CDC14A: variants seen among roughly 807,000 people sequenced by gnomAD.
The protein encoded by CDC14A is dual specificity protein phosphatase CDC14A.
A neutral mutation model predicts 74.4 loss-of-function variants in CDC14A; 53 were observed. That is an observed-to-expected ratio of 0.71 (90% confidence interval 0.57 to 0.89). The LOEUF (loss-of-function observed/expected upper bound fraction) is 0.89, where lower values mean the gene tolerates loss of function less well. Among genes scored for constraint, CDC14A ranks in the 40% least tolerant of loss-of-function variants. CDC14A has a pLI of 0.00. For missense variants in CDC14A, 646 were observed against 713.7 expected (o/e 0.91, Z 1.08); for synonymous variants, 247 against 258.4 (o/e 0.96, Z 0.43).
intron 8 of CDC14A, among the ~76,000 whole-genome samples, chr1:100,457,206 A>G (rs956681881): frequency 6.6e-6 from 1 of 152,226 alleles, no homozygotes; most frequent in Non-Finnish European, 1.5e-5. Flanking sequence ...ATATAATTGT[A>G]AAAGCCATTT....
chr1:100,393,703 C>A (rs1402801093), intron 4 of CDC14A: 3 of 407,202 alleles, frequency 7.4e-6, no homozygotes, highest in Non-Finnish European at 1.4e-5. Flanking sequence ...CGACTGTAAT[C>A]CCAGCACTTT....
At chr1:100,465,977 CTTAGTGAAAT>C (rs1667762861) in intron 9 of CDC14A, among the ~76,000 whole-genome samples, 1 of 152,162 alleles carries the variant, frequency 6.6e-6, no homozygotes, top group African/African-American at 2.4e-5. Flanking sequence ...TTTATAGAAA[CTTAGTGAAAT>C]GTTCCTATTC....
At chr1:100,354,344 CAG>C (rs1437104746) in intron 2 of CDC14A, among the ~76,000 whole-genome samples, 2 of 152,230 alleles carry the variant, frequency 1.3e-5, no homozygotes, top group African/African-American at 4.8e-5. Context: ...GGAGCTGTAT[CAG>C]AGTCACATTT....
intron 11 of CDC14A, among the ~76,000 whole-genome samples, chr1:100,491,548 C>CTCTCTCTCTCTCTATATA (rs1223420176): frequency 2.6e-5 from 1 of 38,760 alleles, no homozygotes; most frequent in Non-Finnish European, 5.0e-5. Context: ...CTCTCTCTCT[C>CTCTCTCTCTCTCTATATA]TATATATATA....
chr1:100,455,321 A>G, intron 7 of CDC14A, 84 bp from the exon 8 acceptor site: 1 of 851,426 alleles, frequency 1.2e-6, no homozygotes, highest in Non-Finnish European at 1.9e-6. Context: ...TAAGAGTGAA[A>G]AGCAGTTTTA....
chr1:100,474,697 T>C (rs1292058199), intron 10 of CDC14A, among the ~76,000 whole-genome samples: 1 of 151,982 alleles, frequency 6.6e-6, no homozygotes, highest in Non-Finnish European at 1.5e-5. Flanking sequence ...TTTGTGTATT[T>C]TTTTTTCCCT....
intron 2 of CDC14A, among the ~76,000 whole-genome samples, chr1:100,373,611 T>C (rs116776070): frequency 0.01 from 1,556 of 152,304 alleles, 32 homozygotes; most frequent in Middle Eastern, 0.024. Context: ...GATATGCCTA[T>C]ACTCTTCATT....
intron 1 of CDC14A, 71 bp downstream of exon 1, chr1:100,353,074 C>G: frequency 1.3e-6 from 2 of 1,515,034 alleles, no homozygotes; most frequent in Non-Finnish European, 1.8e-6. Context: ...CGCCACTGTC[C>G]CCACCTTCTC....
chr1:100,370,969 T>A (rs540889826), intron 2 of CDC14A, among the ~76,000 whole-genome samples: 95 of 152,356 alleles, frequency 6.2e-4, no homozygotes, highest in Admixed American at 1.2e-3. Context: ...TTGTGTTGTC[T>A]GTAATTTCTT....
chr1:100,349,233 C>A (rs1361887879), upstream of CDC14A, among the ~76,000 whole-genome samples: 13 of 152,106 alleles, frequency 8.5e-5, no homozygotes, highest in Admixed American at 8.5e-4. Flanking sequence ...AAACTCGACA[C>A]TTTTTACACT....
intron 3 of CDC14A, among the ~76,000 whole-genome samples, chr1:100,388,758 C>T (rs1657225470): frequency 6.6e-6 from 1 of 152,170 alleles, no homozygotes; most frequent in Admixed American, 6.5e-5. Flanking sequence ...ACTATGTTGC[C>T]TGGGCTAGTC....
chr1:100,450,009 G>GTT (rs796149452), intron 7 of CDC14A, among the ~76,000 whole-genome samples: 116 of 145,622 alleles, frequency 8.0e-4, no homozygotes, highest in African/African-American at 2.8e-3. Context: ...CAAGAGTGAG[G>GTT]TTTTTTTTTT....
chr1:100,351,373 G>A (rs1312226256), upstream of CDC14A, among the ~76,000 whole-genome samples: 3 of 152,208 alleles, frequency 2.0e-5, no homozygotes, highest in Admixed American at 6.5e-5. Flanking sequence ...AGACCTCTCA[G>A]AGCGCATGCT....
intron 2 of CDC14A, among the ~76,000 whole-genome samples, chr1:100,367,971 T>C (rs1653893833): frequency 6.6e-6 from 1 of 152,186 alleles, no homozygotes; most frequent in Admixed American, 6.5e-5. Flanking sequence ...ATTTTTCCAT[T>C]CTCTTATGTT....
chr1:100,448,344 A>G (rs1427825036), intron 7 of CDC14A, among the ~76,000 whole-genome samples: 1 of 152,252 alleles, frequency 6.6e-6, no homozygotes, highest in African/African-American at 2.4e-5. Context: ...AATATTTTCC[A>G]GAATATCAAG....
chr1:100,412,728 T>TATATATATATATAAAAAA (rs1557732405), intron 4 of CDC14A, among the ~76,000 whole-genome samples: 1 of 98,238 alleles, frequency 1.0e-5, no homozygotes, highest in Non-Finnish European at 2.0e-5. Flanking sequence ...ATATATTTTA[T>TATATATATATATAAAAAA]ATATATATAT....
In CDC14A at chr1:100,352,648, C is replaced by A; in HGVS notation, c.-307C>A. On this transcript the variant is annotated 5_prime_UTR_variant, in exon 1 of 16. It adds an upstream start codon to the 5' untranslated region. Transcript: ENST00000336454. ...ACTTTGCCCTGCCCTGAGAGCTGGT[C>A]TGCGTTTCCCAGGCGCGGCGGCGGC... is the stretch of plus-strand genomic sequence containing the variant. The A allele has an allele frequency of 8.0e-7, 1 of 1,257,796 alleles. No individual in the cohort carries two copies. The highest frequency in any genetic ancestry group is 1.0e-6 in the Non-Finnish European group (1 of 999,314). The allele number at this position is 1,257,796 out of a possible 1,614,324, so 77.9% of individuals were successfully genotyped here. A position where few individuals can be genotyped will look rare whatever the true frequency, so the allele number is the denominator to read the frequency against.
chr1:100,405,175 C>T (rs960205558), intron 4 of CDC14A, among the ~76,000 whole-genome samples: 1 of 152,128 alleles, frequency 6.6e-6, no homozygotes, highest in Non-Finnish European at 1.5e-5. Flanking sequence ...TCTGCCTACC[C>T]CTCACTCTCT....
chr1:100,474,734 ATTT>A, intron 10 of CDC14A, among the ~76,000 whole-genome samples: 1 of 151,630 alleles, frequency 6.6e-6, no homozygotes, highest in East Asian at 1.9e-4. Context: ...AAGTTGGACA[ATTT>A]TATTGATATT....
Sources: allele counts gnomAD v4.1 joint callset (sites outside exome capture counted in the v4.1 genomes callset), GRCh38; gene constraint gnomAD v4.1.1; transcripts MANE v1.5; gene names NCBI Gene and HGNC (gene_info 2026-07-23, HGNC 2026-07-21).